Variants in RPS6KA5 observed in about 807,000 individuals in gnomAD.
RPS6KA5 encodes the protein ribosomal protein S6 kinase alpha-5.
Under a neutral mutation model 85.5 loss-of-function variants are expected in RPS6KA5, and 27 were observed. The ratio of observed to expected loss-of-function variants is 0.32; its 90% CI spans 0.23 to 0.44. The LOEUF (loss-of-function observed/expected upper bound fraction) is 0.44. RPS6KA5 is among the 20% of genes least tolerant of loss of function. The pLI, the probability that RPS6KA5 is intolerant of heterozygous loss-of-function variation, is 1.00. For synonymous variants in RPS6KA5, 334 were observed against 348.2 expected, an observed-to-expected ratio of 0.96 and a Z score of 0.46; for missense variants, 811 against 980.9, an observed-to-expected ratio of 0.83 and a Z score of 2.31.
intron 14 of RPS6KA5, 45 bp downstream of exon 14, chr14:90,890,442 C>G: frequency 1.3e-6 from 2 of 1,497,206 alleles, no homozygotes; most frequent in Non-Finnish European, 1.8e-6. Context: ...AGAGAGGACA[C>G]CAAAGAAATA....
chr14:91,043,238 T>C (rs1483413663), intron 1 of RPS6KA5, among the ~76,000 whole-genome samples: 1 of 152,218 alleles, frequency 6.6e-6, no homozygotes, highest in African/African-American at 2.4e-5. Context: ...ATTCCTTTAA[T>C]TTTGGGAGTT....
At position 90,948,627 on chromosome 14, in the gene RPS6KA5, G is replaced by A. The variant is rs1328908295; in HGVS notation, c.395-1077C>T. On this transcript the variant is annotated intron_variant, in intron 3 of 16. Coordinates refer to ENST00000614987, the MANE Select transcript of RPS6KA5 (RefSeq NM_004755.4). ...GGAGAATGGCATGAACCTGGGAGGC[G>A]GAGGTTGCAGTGAGCGGAGATCGCG... Among the ~76,000 whole-genome samples the A allele has an allele frequency of 2.6e-5, 4 of 152,026 alleles. No individual in the cohort carries two copies. The South Asian group carries it at 6.2e-4, about 24-fold the overall frequency.
At chr14:90,903,069 G>T in intron 8 of RPS6KA5, 100 bp from the exon 9 acceptor site, 1 of 975,372 alleles carries the variant, frequency 1.0e-6, no homozygotes, top group Non-Finnish European at 1.5e-6. Flanking sequence ...TAGGGAGAGA[G>T]GATAAAAATA....
intron 1 of RPS6KA5, among the ~76,000 whole-genome samples, chr14:91,020,297 A>G (rs2139786904): frequency 6.6e-6 from 1 of 152,184 alleles, no homozygotes; most frequent in African/African-American, 2.4e-5. Context: ...ATATTCAAAA[A>G]AAGTGATGAA....
chr14:90,978,313 G>A lies in RPS6KA5; in HGVS notation c.387C>T (p.Leu129=). 1.3e-6 allele frequency: 2 copies of A among 1,598,396 alleles called. No homozygotes were observed. The highest frequency in any genetic ancestry group is 2.2e-5 in the East Asian group (1 of 44,450). ...ATAACAACTGACACTTACCTAAAAT[G>A]AGATGAAGTTTGGTTTCTGTCTGGA... is the stretch of plus-strand genomic sequence containing the variant. ...YAFQTETKLH[L]ILDYINGGEL... Residue 129 remains leucine, a synonymous_variant, in exon 3 of 17, where the codon CTC becomes CTT. Transcript: ENST00000614987.
At chr14:90,989,333 G>A (rs1322290594) in intron 2 of RPS6KA5, among the ~76,000 whole-genome samples, 4 of 152,114 alleles carry the variant, frequency 2.6e-5, no homozygotes. Flanking sequence ...CGTCATCCTC[G>A]ATACTCAAGT....
At chr14:91,040,722 T>C (rs935435945) in intron 1 of RPS6KA5, among the ~76,000 whole-genome samples, 1 of 152,066 alleles carries the variant, frequency 6.6e-6, no homozygotes, top group East Asian at 1.9e-4. Context: ...TAGCAGCTAA[T>C]GTAAGGAGAT....
At chr14:90,874,844 C>T (rs933241018) in intron 15 of RPS6KA5, among the ~76,000 whole-genome samples, 1 of 152,108 alleles carries the variant, frequency 6.6e-6, no homozygotes, top group Non-Finnish European at 1.5e-5. Context: ...TCCAGGAGGA[C>T]GCCTAGGTTT....
intron 1 of RPS6KA5, among the ~76,000 whole-genome samples, chr14:91,024,975 G>A (rs1434444830): frequency 6.6e-6 from 1 of 151,882 alleles, no homozygotes; most frequent in African/African-American, 2.4e-5. Flanking sequence ...TCTGCCTCCT[G>A]GGTTGAAGTG....
chr14:91,035,571 G>A (rs1168879544), intron 1 of RPS6KA5, among the ~76,000 whole-genome samples: 1 of 151,616 alleles, frequency 6.6e-6, no homozygotes, highest in African/African-American at 2.4e-5. Context: ...TAGAAGGGTA[G>A]GTACATTTGG....
intron 14 of RPS6KA5, among the ~76,000 whole-genome samples, chr14:90,885,887 G>A (rs938771507): frequency 6.6e-6 from 1 of 151,722 alleles, no homozygotes; most frequent in African/African-American, 2.4e-5. Flanking sequence ...TGGAAGTACT[G>A]GAGAGGATAT....
rs2032714396 is a variant in RPS6KA5 at position 90,864,457 on chromosome 14, AAT to A, written c.*7615_*7616del. On this transcript the variant is annotated 3_prime_UTR_variant, in exon 17 of 17. Coordinates refer to ENST00000614987, the MANE Select transcript of RPS6KA5 (RefSeq NM_004755.4). ...ACCCGGCCAATAAAGCTTTTAGAAG[AAT>A]ATAAGAATATCTTCATAACCTTGGT... The A allele has an allele frequency of 6.6e-6, 1 of 152,214 alleles. No individual in the cohort carries two copies. The highest frequency in any genetic ancestry group is 2.1e-4 in the South Asian group (1 of 4,824). 9.4% of individuals were successfully genotyped at this position (152,214 alleles called of 1,614,324 possible).
intron 1 of RPS6KA5, among the ~76,000 whole-genome samples, chr14:91,030,871 A>G (rs1203135482): frequency 6.6e-6 from 1 of 151,944 alleles, no homozygotes; most frequent in East Asian, 1.9e-4. Context: ...TAAAGTAAAG[A>G]TGCAAGGAGA....
intron 2 of RPS6KA5, among the ~76,000 whole-genome samples, chr14:90,987,487 T>C (rs2040104297): frequency 6.6e-6 from 1 of 151,826 alleles, no homozygotes; most frequent in South Asian, 2.1e-4. Context: ...TCTAAATCTG[T>C]AGTAAAAAAA....
chr14:91,017,538 C>T (rs2041556297), intron 1 of RPS6KA5, among the ~76,000 whole-genome samples: 1 of 152,154 alleles, frequency 6.6e-6, no homozygotes, highest in Non-Finnish European at 1.5e-5. Context: ...CTGGAAGACT[C>T]AGGTACAGCA....
intron 1 of RPS6KA5, among the ~76,000 whole-genome samples, chr14:91,033,067 G>A (rs1302778978): frequency 1.3e-5 from 2 of 151,678 alleles, no homozygotes; most frequent in Non-Finnish European, 2.9e-5. Flanking sequence ...GGCATCTGTA[G>A]ACCCAGCTAC....
At chr14:90,963,155 C>G (rs1675278483) in intron 3 of RPS6KA5, among the ~76,000 whole-genome samples, 1 of 152,108 alleles carries the variant, frequency 6.6e-6, no homozygotes, top group South Asian at 2.1e-4. Flanking sequence ...AGAGGACAGA[C>G]CTGATATTTT....
intron 1 of RPS6KA5, among the ~76,000 whole-genome samples, chr14:91,041,044 G>A (rs1757942342): frequency 1.3e-5 from 2 of 152,096 alleles, no homozygotes; most frequent in South Asian, 2.1e-4. Flanking sequence ...ATAACTAGAG[G>A]GCGACAGAGA....
Position 91,002,943 on chromosome 14 carries a change from T to C in RPS6KA5, c.104-1784A>G, listed in dbSNP as rs560152096. ...GAGTTCACATTGACATCAGTATAGA[T>C]CTAAAATGAATATCAAAAACATAGG... On this transcript the variant is annotated intron_variant, in intron 1 of 16. Transcript: ENST00000614987. 2.0e-5 allele frequency among the ~76,000 whole-genome samples: 3 copies of C among 152,282 alleles called. No individual in the cohort carries two copies. The East Asian group carries it at 5.8e-4, about 29-fold the overall frequency.
Sources: gnomAD v4.1 joint callset for allele counts (sites outside exome capture counted in the v4.1 genomes callset) on GRCh38, gnomAD v4.1.1 for gene constraint, MANE v1.5 for transcripts, NCBI Gene and HGNC (gene_info 2026-07-23, HGNC 2026-07-21) for gene names.